Variants in KIF13A observed in about 807,000 individuals in gnomAD.
KIF13A encodes the protein kinesin family member 13A, also known as kinesin-like protein KIF13A.
In KIF13A, 79 loss-of-function variants were observed where a neutral mutation model predicts 212.2. The ratio of observed to expected loss-of-function variants is 0.37; its 90% CI spans 0.31 to 0.45. The LOEUF is 0.45. KIF13A is among the 20% of genes least tolerant of loss of function. KIF13A has a pLI of 1.00. For missense variants in KIF13A, 1,901 were observed against 2,209.0 expected (o/e 0.86, Z 2.79); for synonymous variants, 789 against 808.6 (o/e 0.98, Z 0.41).
chr6:17,759,374 C>T (rs1156430246), downstream of KIF13A: 2 of 152,004 alleles, frequency 1.3e-5, no homozygotes, highest in African/African-American at 4.8e-5. Context: ...TTTTAACAGA[C>T]AATAGTAAAA....
At chr6:17,781,402 A>G (rs952633824) in intron 29 of KIF13A, 101 bp from the exon 30 acceptor site, 14 of 1,248,460 alleles carry the variant, frequency 1.1e-5, no homozygotes, top group South Asian at 3.2e-5. Context: ...AAGTTTACAC[A>G]TAACACATTT....
chr6:17,794,979 C>CA lies in KIF13A; in HGVS notation c.2943-276dup, dbSNP rs1409767035. On this transcript the variant is annotated intron_variant, in intron 23 of 38. Coordinates refer to ENST00000259711, the MANE Select transcript of KIF13A (RefSeq NM_022113.6). This position sits in a 1 kb window ranked among gnomAD's most constrained non-coding sequence, Gnocchi z 4.1. ...ATGAGTGTAACCTGCCCTATCACCT[C>CA]AGAAAGTTTGCTCATATGCATTCCC... 4 of 327,680 alleles carry CA rather than the reference C, an allele frequency of 1.2e-5. No homozygotes were observed. Among genetic ancestry groups the CA allele is most frequent in the Non-Finnish European group, 2.2e-5 (4 of 180,208 alleles). 20.3% of individuals were successfully genotyped at this position (327,680 alleles called of 1,614,324 possible).
At chr6:17,916,919 G>A (rs1179981956) in intron 2 of KIF13A, among the ~76,000 whole-genome samples, 1 of 152,010 alleles carries the variant, frequency 6.6e-6, no homozygotes, top group Non-Finnish European at 1.5e-5. Flanking sequence ...GCATGAAGAA[G>A]GGAAGAATCT....
At chr6:17,840,638 C>T (rs563811353) in intron 9 of KIF13A, among the ~76,000 whole-genome samples, 3 of 152,074 alleles carry the variant, frequency 2.0e-5, no homozygotes, top group Non-Finnish European at 4.4e-5. Context: ...GTGGCAACTA[C>T]TTATAATTTC....
Position 17,834,350 on chromosome 6 carries a change from A to T in KIF13A, c.1156-279T>A, listed in dbSNP as rs1378378553. On this transcript the variant is annotated intron_variant, in intron 11 of 38. Transcript: ENST00000259711. This position sits in a 1 kb window ranked among gnomAD's most constrained non-coding sequence, Gnocchi z 4.0. ...AATTTCACATTTAAAGCCCTAAAAG[A>T]TGCTAACGTTCAACTTTGAAATAGA... 6.6e-6 allele frequency among the ~76,000 whole-genome samples: 1 copy of T among 152,240 alleles called. No individual in the cohort carries two copies. Among genetic ancestry groups the T allele is most frequent in the Non-Finnish European group, 1.5e-5 (1 of 68,036 alleles).
chr6:17,938,784 C>G (rs966518905), intron 2 of KIF13A, among the ~76,000 whole-genome samples: 13 of 150,556 alleles, frequency 8.6e-5, no homozygotes, highest in Admixed American at 7.3e-4. Context: ...CAACTTGGAA[C>G]TGAAAGTCTT....
intron 17 of KIF13A, chr6:17,812,609 TC>T (rs1426218176): frequency 3.9e-5 from 6 of 152,300 alleles, no homozygotes; most frequent in South Asian, 2.1e-4. Flanking sequence ...TCCATGTCTT[TC>T]CTATTGTGAA....
Position 17,919,305 on chromosome 6 carries a change from G to T in KIF13A, c.147-21125C>A, listed in dbSNP as rs937820482. Among the ~76,000 whole-genome samples, 3 of 152,114 alleles carry T rather than the reference G, an allele frequency of 2.0e-5. No individual in the cohort carries two copies. The highest frequency in any genetic ancestry group is 6.6e-5 in the Admixed American group (1 of 15,266). On this transcript the variant is annotated intron_variant, in intron 2 of 38. Transcript: ENST00000259711. This position sits in a 1 kb window ranked among gnomAD's most constrained non-coding sequence, Gnocchi z 4.1. ...CCCTCTTCAACAATTACCAATACAT[G>T]GCCAGTCTTGCACAGGTAAAGTACT...
rs1759555047 is a variant in KIF13A at position 17,772,213 on chromosome 6, C to T, written c.4325-154G>A. 6.6e-6 allele frequency among the ~76,000 whole-genome samples: 1 copy of T among 152,062 alleles called. No homozygotes were observed. Among genetic ancestry groups the T allele is most frequent in the Admixed American group, 6.6e-5 (1 of 15,254 alleles). On this transcript the variant is annotated intron_variant, in intron 36 of 38. Transcript: ENST00000259711. This position sits in a 1 kb window ranked among gnomAD's most constrained non-coding sequence, Gnocchi z 4.8. ...AAGCATTAAAACAGATGTATGCCCA[C>T]CCTGTGCAACATAGGGACACCAGTC... is the stretch of plus-strand genomic sequence containing the variant.
At chr6:17,861,009 GTC>G (rs1179800072) in intron 4 of KIF13A, among the ~76,000 whole-genome samples, 3 of 152,016 alleles carry the variant, frequency 2.0e-5, no homozygotes, top group African/African-American at 7.2e-5. Context: ...ATAAAAACTA[GTC>G]TCTCTGATTT....
chr6:17,885,329 T>C (rs540691513), intron 3 of KIF13A, among the ~76,000 whole-genome samples: 3 of 152,236 alleles, frequency 2.0e-5, no homozygotes, highest in South Asian at 2.1e-4. Flanking sequence ...GTGAGTTTTA[T>C]TGACAGATCT....
chr6:17,946,472 T>G (rs1166268302), intron 2 of KIF13A, among the ~76,000 whole-genome samples: 6 of 142,980 alleles, frequency 4.2e-5, no homozygotes. Flanking sequence ...AGAAAATGAG[T>G]AAAAAGAGAG....
chr6:17,835,195 C>CAAAAAAAAAAAAAAAAAAAAAAAAAAAAA (rs61697144), intron 11 of KIF13A, among the ~76,000 whole-genome samples: 1 of 45,952 alleles, frequency 2.2e-5, no homozygotes, highest in Non-Finnish European at 4.1e-5. Flanking sequence ...CCGCCCCCGC[C>CAAAAAAAAAAAAAAAAAAAAAAAAAAAAA]AAAAAAAAAA....
At chr6:17,887,351 G>C (rs920661088) in intron 3 of KIF13A, among the ~76,000 whole-genome samples, 6 of 152,168 alleles carry the variant, frequency 3.9e-5, no homozygotes, top group Non-Finnish European at 7.3e-5. Context: ...GGTTGTTACT[G>C]TTGCATCACG....
intron 4 of KIF13A, among the ~76,000 whole-genome samples, chr6:17,869,420 C>T (rs1331008419): frequency 6.6e-6 from 1 of 152,178 alleles, no homozygotes; most frequent in East Asian, 1.9e-4. Flanking sequence ...GGATTAAGCA[C>T]TTTAAATGAA....
chr6:17,777,278 T>C lies in KIF13A; in HGVS notation c.4169A>G (p.Asn1390Ser). The C allele has an allele frequency of 6.2e-7, 1 of 1,610,628 alleles. No individual in the cohort carries two copies. The highest frequency in any genetic ancestry group is 8.5e-7 in the Non-Finnish European group (1 of 1,178,060). Residue 1390 changes from asparagine to serine, a missense_variant and splice_region_variant, in exon 34 of 39, where the codon AAT becomes AGT. By Grantham distance (46) the Asn-to-Ser change is conservative (BLOSUM62 1). Around this residue, in one of 5 missense-constraint regions of KIF13A, gnomAD observed 687 missense variants for 759.1 expected, o/e 0.90. Coordinates refer to ENST00000259711, the MANE Select transcript of KIF13A (RefSeq NM_022113.6). The surrounding 1 kb of genome is among the most constrained non-coding windows in gnomAD (Gnocchi z 4.4). Reference sequence around the variant, plus strand: ...AGATCCTTGGCAGGATGCACTTACATTATGAACATTTGGTGTACTGAGGCT... The same window carrying C: ...AGATCCTTGGCAGGATGCACTTACACTATGAACATTTGGTGTACTGAGGCT... ...RRSLSTPNVH[N>S]VSSSRPDLSG...
At chr6:17,781,882 C>T (rs751134110) in intron 29 of KIF13A, among the ~76,000 whole-genome samples, 5 of 152,058 alleles carry the variant, frequency 3.3e-5, no homozygotes, top group Non-Finnish European at 5.9e-5. Flanking sequence ...CCTGCATGGT[C>T]CTCCAAAAGC....
intron 26 of KIF13A, among the ~76,000 whole-genome samples, chr6:17,788,537 T>C (rs1258013334): frequency 6.6e-6 from 1 of 152,210 alleles, no homozygotes; most frequent in Non-Finnish European, 1.5e-5. Context: ...GTCAATGGCA[T>C]TGCTGAGATT....
rs2150398739 is a variant in KIF13A, at chr6:17,850,269, G to A, written c.717+54C>T. The A allele has an allele frequency of 3.3e-6, 5 of 1,535,264 alleles. No individual in the cohort carries two copies. In the South Asian group the frequency reaches 6.3e-5, roughly 19 times the overall value. On this transcript the variant is annotated intron_variant, in intron 8 of 38. Transcript: ENST00000259711. This position sits in a 1 kb window ranked among gnomAD's most constrained non-coding sequence, Gnocchi z 6.2. Reference sequence around the variant, plus strand: ...AACCATGAAAGACTTTACCTATATGGACACTTTCAGTTCTTCCACCCCCAC... The same window carrying A: ...AACCATGAAAGACTTTACCTATATGAACACTTTCAGTTCTTCCACCCCCAC...
Sources: allele counts gnomAD v4.1 joint callset (sites outside exome capture counted in the v4.1 genomes callset), GRCh38; gene constraint gnomAD v4.1.1; regional missense constraint gnomAD v4.1.1; non-coding constraint Gnocchi (gnomAD v3.1); transcripts MANE v1.5; gene names NCBI Gene and HGNC (gene_info 2026-07-23, HGNC 2026-07-21).